Variants in GTF2I observed in about 807,000 individuals in gnomAD.
GTF2I encodes the protein general transcription factor II-I.
Under a neutral mutation model 67.6 loss-of-function variants are expected in GTF2I, and 12 were observed. That is an observed-to-expected ratio of 0.18 (90% CI 0.11 to 0.29). The LOEUF is 0.29. GTF2I is among the 10% of genes least tolerant of loss of function. The pLI is 1.00. For missense variants in GTF2I, 271 were observed against 580.1 expected, an observed-to-expected ratio of 0.47 and a Z score of 5.47; for synonymous variants, 149 against 197.0, an observed-to-expected ratio of 0.76 and a Z score of 2.04.
At chr7:74,704,304 A>ATTTTTTTATTT (rs2131361536) in intron 6 of GTF2I, among the ~76,000 whole-genome samples, 1 of 129,518 alleles carries the variant, frequency 7.7e-6, no homozygotes, top group Non-Finnish European at 1.5e-5. Context: ...TTTTTTATTT[A>ATTTTTTTATTT]TTTTGAGATG....
chr7:74,714,517 A>G (rs1792011973), intron 9 of GTF2I, among the ~76,000 whole-genome samples: 1 of 152,124 alleles, frequency 6.6e-6, no homozygotes, highest in African/African-American at 2.4e-5. Context: ...TGTAATCTGT[A>G]TGAAGTAAAA....
intron 1 of GTF2I, among the ~76,000 whole-genome samples, chr7:74,662,250 C>T (rs1224435008): frequency 3.0e-5 from 4 of 132,196 alleles, no homozygotes; most frequent in South Asian, 2.3e-4. Context: ...TTCACTCTGT[C>T]GCCCAGGCTG....
chr7:74,673,288 T>C (rs1805616089), intron 1 of GTF2I, among the ~76,000 whole-genome samples: 1 of 152,110 alleles, frequency 6.6e-6, no homozygotes, highest in South Asian at 2.1e-4. Context: ...ATCTGAAAAA[T>C]ATAGTAAGGG....
At chr7:74,681,606 C>T (rs1290210223) in intron 1 of GTF2I, among the ~76,000 whole-genome samples, 14 of 152,050 alleles carry the variant, frequency 9.2e-5, no homozygotes. Context: ...ATGCCCAGAT[C>T]TTTTACACAA....
At chr7:74,664,001 G>C (rs1804749579) in intron 1 of GTF2I, among the ~76,000 whole-genome samples, 1 of 151,718 alleles carries the variant, frequency 6.6e-6, no homozygotes, top group Non-Finnish European at 1.5e-5. Context: ...GGCTAATTTT[G>C]TATTTTTAGT....
chr7:74,681,740 T>C (rs1787291243), intron 1 of GTF2I, among the ~76,000 whole-genome samples: 1 of 152,104 alleles, frequency 6.6e-6, no homozygotes, highest in Non-Finnish European at 1.5e-5. Context: ...GGCAAAATCC[T>C]GTCTCTACTA....
chr7:74,699,283 TG>T (rs781831548), intron 4 of GTF2I, among the ~76,000 whole-genome samples, 188 bp downstream of exon 4: 25 of 151,746 alleles, frequency 1.6e-4, no homozygotes, highest in Non-Finnish European at 4.4e-5. Flanking sequence ...CCAGTAGAGC[TG>T]TTTCTTTCTT....
intron 3 of GTF2I, among the ~76,000 whole-genome samples, chr7:74,697,064 CTTA>C (rs1788997570): frequency 6.6e-6 from 1 of 152,032 alleles, no homozygotes; most frequent in Non-Finnish European, 1.5e-5. Flanking sequence ...AATACTTTAA[CTTA>C]TTATATCTAA....
At chr7:74,709,032 A>G (rs1554402067) in intron 8 of GTF2I, among the ~76,000 whole-genome samples, 1 of 152,200 alleles carries the variant, frequency 6.6e-6, no homozygotes, top group Non-Finnish European at 1.5e-5. Context: ...GTGCAAACCT[A>G]TTTGAGTAAT....
chr7:74,713,112 A>G (rs1317911968), intron 9 of GTF2I, among the ~76,000 whole-genome samples: 2 of 152,202 alleles, frequency 1.3e-5, no homozygotes, highest in Non-Finnish European at 2.9e-5. Context: ...AAATTCAAAT[A>G]TGGGACATTA....
At chr7:74,719,982 A>G (rs1269047202) in intron 12 of GTF2I, among the ~76,000 whole-genome samples, 1 of 152,198 alleles carries the variant, frequency 6.6e-6, no homozygotes, top group African/African-American at 2.4e-5. Context: ...TTCCCCTGAA[A>G]GTACTTCTTT....
Position 74,700,308 on chromosome 7 carries a change from G to T in GTF2I, c.435G>T (p.Gln145His), listed in dbSNP as rs782450205. 1 of 1,614,154 alleles carries T rather than the reference G, an allele frequency of 6.2e-7. No individual in the cohort carries two copies. Among genetic ancestry groups the T allele is most frequent in the South Asian group, 1.1e-5 (1 of 91,084 alleles). ...PVPYEKMLRD[Q>H]SAVVVQGLPE... ...CATATGAGAAGATGCTGCGAGACCAGTCGGCTGTGGTAGTGCAGGGGCTTC... is the reference window on the plus strand; with the variant it reads ...CATATGAGAAGATGCTGCGAGACCATTCGGCTGTGGTAGTGCAGGGGCTTC... Residue 145 changes from glutamine (Q) to histidine (H), a missense_variant, in exon 5 of 35, where the codon CAG becomes CAT. Physicochemically the swap from Gln to His is conservative, Grantham distance 24. This residue lies in a region of GTF2I where 38 missense variants were observed against 87.8 expected (regional missense o/e 0.43). Transcript: ENST00000573035.
chr7:74,699,351 GGCACGATCTCAGCTCACT>G (rs1789411857), intron 4 of GTF2I: 1 of 188,144 alleles, frequency 5.3e-6, no homozygotes, highest in African/African-American at 2.4e-5. Flanking sequence ...GGAGTGCAGT[GGCACGATCTCAGCTCACT>G]GCAATCTCCG....
intron 1 of GTF2I, among the ~76,000 whole-genome samples, chr7:74,686,312 A>G (rs1787721529): frequency 6.6e-6 from 1 of 152,154 alleles, no homozygotes; most frequent in Non-Finnish European, 1.5e-5. Flanking sequence ...AATTGGCCTT[A>G]GGTTCCCTGC....
At chr7:74,704,136 A>G (rs1790238014) in intron 6 of GTF2I, among the ~76,000 whole-genome samples, 1 of 152,200 alleles carries the variant, frequency 6.6e-6, no homozygotes, top group Non-Finnish European at 1.5e-5. Context: ...GTAGGAAAGC[A>G]TTCTGTCTTT....
chr7:74,657,880 G>A lies in GTF2I; in HGVS notation c.-194G>A, dbSNP rs1554384363. The A allele has an allele frequency of 6.6e-6, 1 of 151,928 alleles. No homozygotes were observed. The highest frequency in any genetic ancestry group is 2.4e-5 in the African/African-American group (1 of 41,348). The allele number at this position is 151,928 out of a possible 1,614,324, so 9.4% of individuals were successfully genotyped here. The stretch of plus-strand genomic sequence containing the variant: ...GCGCTGAGCGAGGCCCTGCCTGCGG[G>A]GCGGCCATGCGGCGGTGACAGGAGC... On this transcript the variant is annotated 5_prime_UTR_variant, in exon 1 of 35. Coordinates refer to ENST00000573035, the MANE Select transcript of GTF2I (RefSeq NM_032999.4).
At chr7:74,716,658 C>T in intron 10 of GTF2I, 1 of 395,828 alleles carries the variant, frequency 2.5e-6, no homozygotes, top group Non-Finnish European at 4.6e-6. Context: ...ATCCCCAAAC[C>T]TACTTAGGTC....
intron 1 of GTF2I, among the ~76,000 whole-genome samples, chr7:74,662,430 G>C (rs587648498): frequency 6.8e-6 from 1 of 147,070 alleles, no homozygotes; most frequent in Non-Finnish European, 1.5e-5. Context: ...GGCTGGTCTC[G>C]AACTCCTGAC....
At chr7:74,728,325 C>CA (rs1229692342) in intron 12 of GTF2I, among the ~76,000 whole-genome samples, 5 of 150,246 alleles carry the variant, frequency 3.3e-5, no homozygotes, top group South Asian at 2.1e-4. Flanking sequence ...AAAACAAAAA[C>CA]AAAAAAAAAC....
Sources: allele counts gnomAD v4.1 joint callset (sites outside exome capture counted in the v4.1 genomes callset), GRCh38; gene constraint gnomAD v4.1.1; regional missense constraint gnomAD v4.1.1; transcripts MANE v1.5; gene names NCBI Gene and HGNC (gene_info 2026-07-23, HGNC 2026-07-21).